Variants in SORCS2 observed in about 807,000 individuals in gnomAD.
The protein encoded by SORCS2 is sortilin related VPS10 domain containing receptor 2.
In SORCS2, 100 loss-of-function variants were observed where a neutral mutation model predicts 141.6. That is an observed-to-expected ratio of 0.71 (90% CI 0.60 to 0.83). The LOEUF (loss-of-function observed/expected upper bound fraction) is 0.83, where lower values mean the gene tolerates loss of function less well. Among genes scored for constraint, SORCS2 ranks in the 40% least tolerant of loss-of-function variants. The pLI is 0.00. For synonymous variants in SORCS2, 789 were observed against 676.9 expected (o/e 1.17, Z -2.57); for missense variants, 1,646 against 1,560.2 (o/e 1.05, Z -0.93).
In SORCS2 at chr4:7,740,391, A is replaced by G; in HGVS notation, c.*127A>G. ...CCCTGAGTCGTCGCCACACCAGGCG[A>G]CAGGCACCACCCCCTCTGATAAATC... On this transcript the variant is annotated 3_prime_UTR_variant, in exon 27 of 27. Coordinates refer to ENST00000507866, the MANE Select transcript of SORCS2 (RefSeq NM_020777.3). The G allele has an allele frequency of 1.2e-6, 1 of 801,058 alleles. No individual in the cohort carries two copies. The highest frequency in any genetic ancestry group is 1.5e-5 in the South Asian group (1 of 64,598). 49.6% of individuals were successfully genotyped at this position (801,058 alleles called of 1,614,324 possible). A position where few individuals can be genotyped will look rare whatever the true frequency, so the allele number is the denominator to read the frequency against.
intron 11 of SORCS2, among the ~76,000 whole-genome samples, chr4:7,690,476 GGATGGAT>G (rs898698318): frequency 2.6e-5 from 4 of 151,624 alleles, no homozygotes; most frequent in African/African-American, 7.3e-5. Flanking sequence ...ATGAGTGGGT[GGATGGAT>G]GATGGATGAT....
intron 1 of SORCS2, among the ~76,000 whole-genome samples, chr4:7,202,364 T>G (rs1378690887): frequency 6.6e-6 from 1 of 152,190 alleles, no homozygotes; most frequent in African/African-American, 2.4e-5. Flanking sequence ...CTTGGAAGAC[T>G]GGAATAAAAG....
In SORCS2 at chr4:7,395,128, C is replaced by T. The variant is rs111774321; in HGVS notation, c.481-1160C>T. Among the ~76,000 whole-genome samples the T allele has an allele frequency of 7.3e-3, 1,021 of 140,462 alleles. 4 individuals are homozygous for T. Among genetic ancestry groups the T allele is most frequent in the African/African-American group, 0.025 (939 of 37,724 alleles). The allele number at this position is 140,462 out of a possible 152,430, so 92.1% of individuals were successfully genotyped here. Reference sequence around the variant, plus strand: ...ACAAGGCCTCGCTTTTTTAAATCATCGCCGCCTGTAAGATGCACACTGTCC... The same window carrying T: ...ACAAGGCCTCGCTTTTTTAAATCATTGCCGCCTGTAAGATGCACACTGTCC... On this transcript the variant is annotated intron_variant, in intron 1 of 26. Transcript: ENST00000507866.
intron 3 of SORCS2, among the ~76,000 whole-genome samples, chr4:7,627,501 T>C (rs1719589442): frequency 6.6e-6 from 1 of 152,228 alleles, no homozygotes; most frequent in African/African-American, 2.4e-5. Context: ...TCCGCCTAGT[T>C]GAGAAAATCT....
At chr4:7,378,638 A>G (rs1722805157) in intron 1 of SORCS2, among the ~76,000 whole-genome samples, 1 of 152,118 alleles carries the variant, frequency 6.6e-6, no homozygotes, top group African/African-American at 2.4e-5. Context: ...GATTATTGCA[A>G]TTCAAGGTGA....
chr4:7,496,594 A>C (rs530368078), intron 2 of SORCS2, among the ~76,000 whole-genome samples: 248 of 151,984 alleles, frequency 1.6e-3, no homozygotes, highest in Non-Finnish European at 2.6e-3. Flanking sequence ...TCAAGGGATT[A>C]GTTTTCTTAC....
intron 2 of SORCS2, among the ~76,000 whole-genome samples, chr4:7,447,148 G>A (rs1577577279): frequency 6.6e-6 from 1 of 152,208 alleles, no homozygotes; most frequent in African/African-American, 2.4e-5. Context: ...ATCAAGGTAT[G>A]GGCAGAGTTG....
At chr4:7,414,097 G>T (rs1425412749) in intron 2 of SORCS2, among the ~76,000 whole-genome samples, 2 of 152,202 alleles carry the variant, frequency 1.3e-5, no homozygotes, top group Non-Finnish European at 2.9e-5. Context: ...GCTCGACAAG[G>T]CGAGACAAGG....
chr4:7,532,938 CACGA>C (rs1711781663), intron 3 of SORCS2, among the ~76,000 whole-genome samples: 1 of 151,904 alleles, frequency 6.6e-6, no homozygotes, highest in Non-Finnish European at 1.5e-5. Flanking sequence ...GCCCTGGGGA[CACGA>C]GAGGCGCCTG....
Position 7,740,662 on chromosome 4 carries a change from G to C in SORCS2, c.*398G>C. 1 of 278,450 alleles carries C rather than the reference G, an allele frequency of 3.6e-6. No homozygotes were observed. The allele number at this position is 278,450 out of a possible 1,614,324, so 17.2% of individuals were successfully genotyped here. Reference sequence around the variant, plus strand: ...GACCCGTTCAGACACTGCGTTGCGGGCTCCTTCCCCGCAGAGGCCGGGGCC... The same window carrying C: ...GACCCGTTCAGACACTGCGTTGCGGCCTCCTTCCCCGCAGAGGCCGGGGCC... On this transcript the variant is annotated 3_prime_UTR_variant, in exon 27 of 27. Transcript: ENST00000507866.
intron 1 of SORCS2, among the ~76,000 whole-genome samples, chr4:7,275,974 T>C (rs536819804): frequency 6.6e-6 from 1 of 152,194 alleles, no homozygotes; most frequent in South Asian, 2.1e-4. Flanking sequence ...GACCGAGGCT[T>C]GGAGAGTGTG....
intron 1 of SORCS2, among the ~76,000 whole-genome samples, chr4:7,359,548 C>T (rs1270802594): frequency 1.3e-5 from 2 of 152,176 alleles, no homozygotes; most frequent in Non-Finnish European, 2.9e-5. Flanking sequence ...ATCCCTGGGC[C>T]GACGTCCTTG....
chr4:7,681,335 A>G (rs761711649), intron 9 of SORCS2, among the ~76,000 whole-genome samples: 1 of 152,214 alleles, frequency 6.6e-6, no homozygotes, highest in African/African-American at 2.4e-5. Flanking sequence ...GTGTCAGCAC[A>G]TGGATCCTTA....
intron 1 of SORCS2, among the ~76,000 whole-genome samples, chr4:7,325,958 T>G (rs981394673): frequency 1.3e-5 from 2 of 152,046 alleles, no homozygotes; most frequent in African/African-American, 4.8e-5. Flanking sequence ...AACCTCAATG[T>G]CCCTGAGTGG....
At chr4:7,721,221 T>C (rs1430029028) in intron 18 of SORCS2, among the ~76,000 whole-genome samples, 1 of 152,140 alleles carries the variant, frequency 6.6e-6, no homozygotes, top group East Asian at 1.9e-4. Context: ...TCCCAGCAGT[T>C]TGGGAGGCCG....
At chr4:7,358,474 C>T (rs190832798) in intron 1 of SORCS2, among the ~76,000 whole-genome samples, 71 of 152,348 alleles carry the variant, frequency 4.7e-4, no homozygotes, top group Middle Eastern at 3.4e-3. Flanking sequence ...GATTGGGATG[C>T]CAGAGTACTG....
chr4:7,685,068 AC>A (rs1560482226), intron 10 of SORCS2, among the ~76,000 whole-genome samples: 1 of 152,204 alleles, frequency 6.6e-6, no homozygotes, highest in Non-Finnish European at 1.5e-5. Flanking sequence ...AGAATTAATT[AC>A]CAGCCCTTTG....
intron 3 of SORCS2, among the ~76,000 whole-genome samples, chr4:7,602,994 C>CA (rs1442677485): frequency 1.3e-5 from 2 of 152,124 alleles, no homozygotes; most frequent in African/African-American, 4.8e-5. Flanking sequence ...CCGTCTCCAC[C>CA]AAAAAAATAC....
chr4:7,640,211 T>C (rs1288523024), intron 4 of SORCS2, among the ~76,000 whole-genome samples: 6 of 141,992 alleles, frequency 4.2e-5, no homozygotes, highest in African/African-American at 1.6e-4. Context: ...TGTGTACATG[T>C]ATGGGTGTGT....
Sources: gnomAD v4.1 joint callset for allele counts (sites outside exome capture counted in the v4.1 genomes callset) on GRCh38, gnomAD v4.1.1 for gene constraint, MANE v1.5 for transcripts, NCBI Gene and HGNC (gene_info 2026-07-23, HGNC 2026-07-21) for gene names.